SLC43A2: variants seen among roughly 807,000 people sequenced by gnomAD.
SLC43A2 encodes the protein large neutral amino acids transporter small subunit 4.
A neutral mutation model predicts 63.2 loss-of-function variants in SLC43A2; 38 were observed. The ratio of observed to expected loss-of-function variants is 0.60; its 90% CI spans 0.46 to 0.79. The LOEUF is 0.79. Among genes scored for constraint, SLC43A2 ranks in the 30% least tolerant of loss-of-function variants. SLC43A2 has a pLI of 0.00. For missense variants in SLC43A2, 644 were observed against 756.2 expected (o/e 0.85, Z 1.74); for synonymous variants, 322 against 331.0 (o/e 0.97, Z 0.30).
intron 6 of SLC43A2, 111 bp from the exon 7 acceptor site, chr17:1,591,810 G>A: frequency 2.4e-6 from 2 of 832,468 alleles, no homozygotes; most frequent in Non-Finnish European, 1.9e-6. Flanking sequence ...TCCCTGTGCT[G>A]AGCCGCGCAA....
chr17:1,591,449 G>T lies in SLC43A2; in HGVS notation c.751C>A (p.Leu251Met), dbSNP rs746878674. The change falls in exon 8 of 14, where the codon CTG becomes ATG. Residue 251 changes from leucine (L) to methionine (M), a missense_variant. Coordinates refer to ENST00000301335, the MANE Select transcript of SLC43A2 (RefSeq NM_152346.3). ...CCTGTGATCTTGTGGTCAAAGCCCA[G>T]CCAGCTGAACTTGATCTTCACCCTG... ...DYSVKIKFSW[L>M]GFDHKITGKQ... 1.9e-6 allele frequency: 3 copies of T among 1,613,216 alleles called. No homozygotes were observed. The highest frequency in any genetic ancestry group is 1.7e-6 in the Non-Finnish European group (2 of 1,179,934).
intron 4 of SLC43A2, among the ~76,000 whole-genome samples, chr17:1,613,865 G>A (rs1436524933): frequency 2.0e-5 from 3 of 152,146 alleles, no homozygotes; most frequent in Non-Finnish European, 2.9e-5. Context: ...TTGGGAGGCT[G>A]AAGCAGGAGA....
intron 2 of SLC43A2, among the ~76,000 whole-genome samples, chr17:1,625,288 C>A (rs1206842081): frequency 6.6e-6 from 1 of 152,178 alleles, no homozygotes; most frequent in Non-Finnish European, 1.5e-5. Flanking sequence ...CAGGCTGGAA[C>A]CCAACACGGT....
Position 1,605,422 on chromosome 17 carries a change from G to A in SLC43A2, c.501+7773C>T, listed in dbSNP as rs548652425. On this transcript the variant is annotated intron_variant, in intron 5 of 13. Coordinates refer to ENST00000301335, the MANE Select transcript of SLC43A2 (RefSeq NM_152346.3). The surrounding 1 kb of genome is among the most constrained non-coding windows in gnomAD (Gnocchi z 4.9). Reference sequence around the variant, plus strand: ...GGCGCGGGAGCTTCTCTAAGATGCCGGACGTACGTGCCTTTTGGCCCAGGG... The same window carrying A: ...GGCGCGGGAGCTTCTCTAAGATGCCAGACGTACGTGCCTTTTGGCCCAGGG... 9.0e-5 allele frequency: 16 copies of A among 178,630 alleles called. No homozygotes were observed. The South Asian group carries it at 1.3e-3, about 14-fold the overall frequency. 11.1% of individuals were successfully genotyped at this position (178,630 alleles called of 1,614,324 possible).
rs1266992567 is a variant in SLC43A2, at chr17:1,593,597, G to A, written c.502-318C>T. ...TGTCTTTTCAGGGTAACACTGAGAT[G>A]CCAGAGAACAAAGTTATGAGCCTCA... On this transcript the variant is annotated intron_variant, in intron 5 of 13. Transcript: ENST00000301335. The surrounding 1 kb of genome is among the most constrained non-coding windows in gnomAD (Gnocchi z 5.3). Among the ~76,000 whole-genome samples the A allele has an allele frequency of 6.6e-6, 1 of 152,164 alleles. No individual in the cohort carries two copies. The highest frequency in any genetic ancestry group is 1.5e-5 in the Non-Finnish European group (1 of 68,030).
At chr17:1,621,460 C>T (rs923029789) in intron 2 of SLC43A2, among the ~76,000 whole-genome samples, 1 of 152,204 alleles carries the variant, frequency 6.6e-6, no homozygotes, top group Non-Finnish European at 1.5e-5. Context: ...TATCCGGCAA[C>T]AGGAAGCAGC....
At chr17:1,584,087 G>T (rs942714382) in intron 10 of SLC43A2, among the ~76,000 whole-genome samples, 1 of 152,038 alleles carries the variant, frequency 6.6e-6, no homozygotes, top group Non-Finnish European at 1.5e-5. Context: ...TAGAGACAGG[G>T]TTTCACCATG....
intron 4 of SLC43A2, among the ~76,000 whole-genome samples, chr17:1,614,180 T>C (rs2151072943): frequency 6.6e-6 from 1 of 150,970 alleles, no homozygotes; most frequent in East Asian, 1.9e-4. Context: ...GAGGTGGAGG[T>C]TGCAGTGAGC....
In SLC43A2 at chr17:1,599,447, C is replaced by A. The variant is rs538652191; in HGVS notation, c.502-6168G>T. 1.5e-4 allele frequency among the ~76,000 whole-genome samples: 23 copies of A among 152,252 alleles called. No homozygotes were observed. The South Asian group carries it at 4.8e-3, about 32-fold the overall frequency. ...AGACGCAGTGGCTCACATCTATAAT[C>A]CCAGCACTTTAGGAGGCTGAGGCAG... On this transcript the variant is annotated intron_variant, in intron 5 of 13. Transcript: ENST00000301335.
At chr17:1,581,057 T>TAAA (rs2076004510) in intron 11 of SLC43A2, among the ~76,000 whole-genome samples, 1 of 152,068 alleles carries the variant, frequency 6.6e-6, no homozygotes, top group Admixed American at 6.6e-5. Context: ...GCCATCCTCT[T>TAAA]GGCCACCAGG....
chr17:1,625,280 G>A (rs1255520901), intron 2 of SLC43A2, among the ~76,000 whole-genome samples: 2 of 152,202 alleles, frequency 1.3e-5, no homozygotes, highest in Non-Finnish European at 2.9e-5. Flanking sequence ...CACCTCACCA[G>A]GCTGGAACCC....
Position 1,577,300 on chromosome 17 carries a change from G to T in SLC43A2, c.1425-580C>A, listed in dbSNP as rs956354781. Among the ~76,000 whole-genome samples the T allele has an allele frequency of 2.6e-5, 4 of 152,226 alleles. No homozygotes were observed. The highest frequency in any genetic ancestry group is 9.6e-5 in the African/African-American group (4 of 41,460). On this transcript the variant is annotated intron_variant, in intron 12 of 13. Coordinates refer to ENST00000301335, the MANE Select transcript of SLC43A2 (RefSeq NM_152346.3). This position sits in a 1 kb window ranked among gnomAD's most constrained non-coding sequence, Gnocchi z 4.9. ...CCGAGTGGAAAGCGTGGTGCCAGCG[G>T]GGACCTGCGGTTTGGGAAACAGGCC...
intron 5 of SLC43A2, among the ~76,000 whole-genome samples, chr17:1,603,500 T>G (rs914776419): frequency 7.3e-5 from 11 of 151,510 alleles, no homozygotes; most frequent in Admixed American, 7.2e-4. Context: ...AAAAACACCA[T>G]GAGGCCGGGC....
chr17:1,626,245 G>A (rs1908656075), intron 2 of SLC43A2, among the ~76,000 whole-genome samples: 1 of 148,548 alleles, frequency 6.7e-6, no homozygotes, highest in South Asian at 2.1e-4. Context: ...GAAGGGTCAC[G>A]ATCTCTAAGG....
rs551174715 is a variant in SLC43A2, at chr17:1,576,803, C to T, written c.1425-83G>A. On this transcript the variant is annotated intron_variant, in intron 12 of 13. Coordinates refer to ENST00000301335, the MANE Select transcript of SLC43A2 (RefSeq NM_152346.3). The stretch of plus-strand genomic sequence containing the variant: ...GGTGTCTGGTGACCCCGGGCTGCAC[C>T]GTTGGTGCCAGAGAAGGGTGGGGTG... 59 of 1,522,844 alleles carry T rather than the reference C, an allele frequency of 3.9e-5. No individual in the cohort carries two copies. In the South Asian group the frequency reaches 6.2e-4, roughly 16 times the overall value. 94.3% of individuals were successfully genotyped at this position (1,522,844 alleles called of 1,614,324 possible). A position where few individuals can be genotyped will look rare whatever the true frequency, so the allele number is the denominator to read the frequency against.
At chr17:1,625,868 C>T (rs1908615779) in intron 2 of SLC43A2, among the ~76,000 whole-genome samples, 1 of 152,130 alleles carries the variant, frequency 6.6e-6, no homozygotes, top group Non-Finnish European at 1.5e-5. Flanking sequence ...AAAACACCAA[C>T]TCAGCACTGC....
Position 1,618,192 on chromosome 17 carries a change from C to T in SLC43A2, c.161-1423G>A, listed in dbSNP as rs767887532. Among the ~76,000 whole-genome samples the T allele has an allele frequency of 1.6e-4, 25 of 152,356 alleles. 1 individual carries two copies. The highest frequency in any genetic ancestry group is 3.4e-3 in the Middle Eastern group (1 of 294). On this transcript the variant is annotated intron_variant, in intron 2 of 13. Transcript: ENST00000301335. ...CCAACGTGTGGCCAAGGAGCCCCGC[C>T]GGGGCCGTGTGGATGAAGAGCGTGG...
At position 1,605,256 on chromosome 17, in the gene SLC43A2, T is replaced by C; in HGVS notation, c.501+7939A>G. ...ACTCTCTCTCTTTCAGCCCCCTGGC[T>C]GCAGCATAAACAGGCCGGACTGTGT... On this transcript the variant is annotated intron_variant, in intron 5 of 13. Coordinates refer to ENST00000301335, the MANE Select transcript of SLC43A2 (RefSeq NM_152346.3). This position sits in a 1 kb window ranked among gnomAD's most constrained non-coding sequence, Gnocchi z 4.9. 3.7e-6 allele frequency: 4 copies of C among 1,080,726 alleles called. No homozygotes were observed. Among genetic ancestry groups the C allele is most frequent in the Non-Finnish European group, 4.5e-6 (4 of 884,614 alleles). The allele number at this position is 1,080,726 out of a possible 1,614,324, so 66.9% of individuals were successfully genotyped here. A position where few individuals can be genotyped will look rare whatever the true frequency, so the allele number is the denominator to read the frequency against.
At chr17:1,614,895 T>G in intron 4 of SLC43A2, 84 bp downstream of exon 4, 1 of 1,378,140 alleles carries the variant, frequency 7.3e-7, no homozygotes, top group Non-Finnish European at 1.0e-6. Context: ...CCCAGGACAG[T>G]GTCCAAGAGC....
Sources: gnomAD v4.1 joint callset for allele counts (sites outside exome capture counted in the v4.1 genomes callset) on GRCh38, gnomAD v4.1.1 for gene constraint, Gnocchi (gnomAD v3.1) non-coding constraint, MANE v1.5 for transcripts, NCBI Gene and HGNC (gene_info 2026-07-23, HGNC 2026-07-21) for gene names.